The following WAPL variants were observed in gnomAD, a reference collection of about 807,000 sequenced individuals.
WAPL encodes the protein wings apart-like protein homolog.
In WAPL, 5 loss-of-function variants were observed where a neutral mutation model predicts 121.0. The ratio of observed to expected loss-of-function variants is 0.04; its 90% confidence interval spans 0.02 to 0.09. The LOEUF (loss-of-function observed/expected upper bound fraction) is 0.09, where lower values mean the gene tolerates loss of function less well. WAPL is among the 10% of genes least tolerant of loss of function. The pLI, the probability that WAPL is intolerant of heterozygous loss-of-function variation, is 1.00. For missense variants in WAPL, 999 were observed against 1,410.8 expected, an observed-to-expected ratio of 0.71 and a Z score of 4.68; for synonymous variants, 480 against 481.5, an observed-to-expected ratio of 1.00 and a Z score of 0.04.
intron 9 of WAPL, 26 bp downstream of exon 9, chr10:86,467,253 T>C (rs142416151): frequency 6.3e-7 from 1 of 1,596,744 alleles, no homozygotes; most frequent in Non-Finnish European, 8.6e-7. Context: ...AATTCTCATC[T>C]TAGAAGGAAG....
At chr10:86,485,270 C>T (rs1156504443) in intron 4 of WAPL, among the ~76,000 whole-genome samples, 1 of 152,026 alleles carries the variant, frequency 6.6e-6, no homozygotes, top group Admixed American at 6.5e-5. Context: ...AGGCAGGGCA[C>T]GGTAGCTCAC....
chr10:86,468,278 C>T (rs1841448505), intron 8 of WAPL, among the ~76,000 whole-genome samples: 1 of 151,942 alleles, frequency 6.6e-6, no homozygotes, highest in African/African-American at 2.4e-5. Flanking sequence ...CTCACTGTAG[C>T]CTTGACCGTC....
At chr10:86,502,103 C>T (rs1213308899) in intron 2 of WAPL, among the ~76,000 whole-genome samples, 2 of 152,204 alleles carry the variant, frequency 1.3e-5, no homozygotes, top group Non-Finnish European at 2.9e-5. Flanking sequence ...GTTTCATTTA[C>T]AAGTATTTAG....
chr10:86,517,309 T>C (rs562940911), intron 2 of WAPL, among the ~76,000 whole-genome samples: 4 of 152,206 alleles, frequency 2.6e-5, no homozygotes, highest in Admixed American at 2.0e-4. Context: ...ATATTTCTTA[T>C]TGGAATTGGG....
chr10:86,493,208 A>G (rs1473229554), intron 4 of WAPL, among the ~76,000 whole-genome samples: 1 of 152,152 alleles, frequency 6.6e-6, no homozygotes, highest in Non-Finnish European at 1.5e-5. Flanking sequence ...GAATACAGTG[A>G]TTATCAGATT....
intron 3 of WAPL, among the ~76,000 whole-genome samples, chr10:86,498,427 GC>G (rs1842189221): frequency 6.6e-6 from 1 of 152,018 alleles, no homozygotes; most frequent in Admixed American, 6.6e-5. Flanking sequence ...GCAGGGGTGA[GC>G]CCCTAGGGGT....
At chr10:86,508,189 T>C (rs1257521691) in intron 2 of WAPL, among the ~76,000 whole-genome samples, 3 of 152,166 alleles carry the variant, frequency 2.0e-5, no homozygotes, top group Non-Finnish European at 4.4e-5. Context: ...GTAACATCTA[T>C]CTGAACTCTT....
At chr10:86,454,150 C>T (rs781740878) in intron 12 of WAPL, among the ~76,000 whole-genome samples, 2 of 152,160 alleles carry the variant, frequency 1.3e-5, no homozygotes, top group African/African-American at 2.4e-5. Flanking sequence ...TTGGACACTT[C>T]TGAGGTAGTA....
chr10:86,472,084 CACTGGCTATA>C lies in WAPL; in HGVS notation c.2030+114_2030+123del. The C allele has an allele frequency of 1.3e-6, 1 of 787,336 alleles. No individual in the cohort carries two copies. Among genetic ancestry groups the C allele is most frequent in the Non-Finnish European group, 1.9e-6 (1 of 538,636 alleles). 48.8% of individuals were successfully genotyped at this position (787,336 alleles called of 1,614,324 possible). On this transcript the variant is annotated intron_variant, in intron 7 of 18. Coordinates refer to ENST00000298767, the MANE Select transcript of WAPL (RefSeq NM_015045.5). The surrounding 1 kb of genome is among the most constrained non-coding windows in gnomAD (Gnocchi z 4.2). ...AGAAATGGATAGCATTTTAACATAT[CACTGGCTATA>C]CATACTACCCCATCATAACAAAATA...
At chr10:86,466,025 T>C (rs866898618) in intron 9 of WAPL, among the ~76,000 whole-genome samples, 4 of 152,192 alleles carry the variant, frequency 2.6e-5, no homozygotes, top group Admixed American at 1.3e-4. Context: ...ATGGAACATA[T>C]TGATTCTACA....
chr10:86,491,462 C>A (rs1842046477), intron 4 of WAPL, among the ~76,000 whole-genome samples: 1 of 152,030 alleles, frequency 6.6e-6, no homozygotes, highest in South Asian at 2.1e-4. Context: ...AACATTATCT[C>A]CTAACTCTGT....
intron 4 of WAPL, 46 bp from the exon 5 acceptor site, chr10:86,474,019 A>T (rs2132194702): frequency 6.9e-7 from 1 of 1,451,328 alleles, no homozygotes; most frequent in African/African-American, 1.4e-5. Context: ...CTTATAAAAG[A>T]CTCTCAACTA....
rs1849351127 is a variant in WAPL, at chr10:86,437,429, A to G, written c.*114T>C. The G allele has an allele frequency of 9.0e-7, 1 of 1,114,594 alleles. No individual in the cohort carries two copies. Among genetic ancestry groups the G allele is most frequent in the Non-Finnish European group, 1.3e-6 (1 of 794,864 alleles). 69.0% of individuals were successfully genotyped at this position (1,114,594 alleles called of 1,614,324 possible). A position where few individuals can be genotyped will look rare whatever the true frequency, so the allele number is the denominator to read the frequency against. ...GGTGGCCTTAAAAATCCAAACACGA[A>G]TGATACTGATGAATGTTCTTGGTAT... On this transcript the variant is annotated 3_prime_UTR_variant, in exon 19 of 19. Transcript: ENST00000298767.
intron 16 of WAPL, 166 bp from the exon 17 acceptor site, chr10:86,443,529 T>C: frequency 4.2e-6 from 2 of 477,968 alleles, no homozygotes; most frequent in South Asian, 4.5e-5. Context: ...CAAAATGAAA[T>C]AGGGATCCAA....
At chr10:86,437,779 C>T (rs559311185) in intron 18 of WAPL, 141 bp downstream of exon 18, 49 of 944,556 alleles carry the variant, frequency 5.2e-5, no homozygotes, top group Non-Finnish European at 7.7e-5. Context: ...GCAATGATTA[C>T]CTTGAAGAAA....
In WAPL at chr10:86,437,513, T is replaced by G; in HGVS notation, c.*30A>C. On this transcript the variant is annotated 3_prime_UTR_variant, in exon 19 of 19. Transcript: ENST00000298767. ...CTTTGTCTAAGGATAGCTCCAGCAT[T>G]ACCGAGCACCTGAAGCAAAGGTAAA... 6.2e-7 allele frequency: 1 copy of G among 1,609,126 alleles called. No homozygotes were observed. The highest frequency in any genetic ancestry group is 8.5e-7 in the Non-Finnish European group (1 of 1,177,120).
At chr10:86,452,262 A>C in intron 14 of WAPL, 131 bp from the exon 15 acceptor site, 2 of 842,656 alleles carry the variant, frequency 2.4e-6, no homozygotes, top group Non-Finnish European at 3.5e-6. Flanking sequence ...ATGGCTAAAA[A>C]CCAGTATGAA....
In WAPL at chr10:86,500,124, T is replaced by C. The variant is rs1842219690; in HGVS notation, c.1119A>G (p.Ile373Met). The part of the protein sequence containing the change: ...PSCLSVCNVT[I>M]QDTMERSMDE... ...CCATGCTGCGTTCCATAGTATCCTG[T>C]ATGGTAACATTACAAACTGACAAGC... is the stretch of plus-strand genomic sequence containing the variant. Residue 373 changes from isoleucine (I) to methionine (M), a missense_variant, in exon 3 of 19, where the codon ATA (isoleucine) becomes ATG (methionine). This residue lies in a region of WAPL where 531 missense variants were observed against 563.1 expected (regional missense o/e 0.94). Coordinates refer to ENST00000298767, the MANE Select transcript of WAPL (RefSeq NM_015045.5). 1.2e-6 allele frequency: 2 copies of C among 1,614,218 alleles called. No individual in the cohort carries two copies. The highest frequency in any genetic ancestry group is 1.7e-6 in the Non-Finnish European group (2 of 1,180,044).
intron 16 of WAPL, among the ~76,000 whole-genome samples, chr10:86,445,559 C>G (rs895016251): frequency 1.3e-5 from 2 of 151,754 alleles, no homozygotes; most frequent in Non-Finnish European, 2.9e-5. Context: ...GGGCCTCACT[C>G]TGTCACCCAG....
Sources: allele counts gnomAD v4.1 joint callset (sites outside exome capture counted in the v4.1 genomes callset), GRCh38; gene constraint gnomAD v4.1.1; regional missense constraint gnomAD v4.1.1; non-coding constraint Gnocchi (gnomAD v3.1); transcripts MANE v1.5; gene names NCBI Gene and HGNC (gene_info 2026-07-23, HGNC 2026-07-21).